Variants in GABRB3 observed in about 807,000 individuals in gnomAD.
The protein encoded by GABRB3 is gamma-aminobutyric acid type A receptor subunit beta3.
In GABRB3, 14 loss-of-function variants were observed where a neutral mutation model predicts 52.1. The ratio of observed to expected loss-of-function variants is 0.27; its 90% CI spans 0.18 to 0.42. The LOEUF is 0.42. Ranked by LOEUF, GABRB3 falls within the 10% of genes least tolerant of loss-of-function variation. The pLI is 1.00. For synonymous variants in GABRB3, 260 were observed against 232.3 expected, an observed-to-expected ratio of 1.12 and a Z score of -1.08; for missense variants, 307 against 609.1, an observed-to-expected ratio of 0.50 and a Z score of 5.22.
chr15:26,704,062 T>C (rs927393050), intron 3 of GABRB3, among the ~76,000 whole-genome samples: 3 of 152,198 alleles, frequency 2.0e-5, no homozygotes, highest in African/African-American at 7.2e-5. Context: ...GTGGCAGTTC[T>C]CCGCATGGGC....
chr15:26,644,520 G>A (rs1190291654), intron 3 of GABRB3, among the ~76,000 whole-genome samples: 1 of 152,224 alleles, frequency 6.6e-6, no homozygotes, highest in Admixed American at 6.5e-5. Flanking sequence ...CCACCACAAG[G>A]AGGGGACAGG....
At chr15:26,638,194 G>A (rs971433689) in intron 3 of GABRB3, among the ~76,000 whole-genome samples, 4 of 152,104 alleles carry the variant, frequency 2.6e-5, no homozygotes, top group Admixed American at 2.6e-4. Context: ...TCCAAGCCTG[G>A]TCAGAGCAAG....
At chr15:26,663,650 T>C (rs1003019095) in intron 3 of GABRB3, among the ~76,000 whole-genome samples, 2 of 152,232 alleles carry the variant, frequency 1.3e-5, no homozygotes, top group Admixed American at 1.3e-4. Flanking sequence ...TCCTAGTTTT[T>C]ATTCATTCTG....
chr15:26,711,495 T>A (rs1015795351), intron 3 of GABRB3, among the ~76,000 whole-genome samples: 1 of 152,234 alleles, frequency 6.6e-6, no homozygotes, highest in Non-Finnish European at 1.5e-5. Context: ...CTGCTTCATA[T>A]TCATTTTATG....
At chr15:26,610,715 C>T (rs1471192191) in intron 4 of GABRB3, among the ~76,000 whole-genome samples, 4 of 152,298 alleles carry the variant, frequency 2.6e-5, no homozygotes, top group Admixed American at 2.6e-4. Context: ...CTGTGGTTCA[C>T]AGCGTTCACT....
intron 4 of GABRB3, among the ~76,000 whole-genome samples, chr15:26,592,833 T>C (rs1891255317): frequency 6.6e-6 from 1 of 151,996 alleles, no homozygotes; most frequent in Non-Finnish European, 1.5e-5. Flanking sequence ...GCTAACATGG[T>C]GAAACCCCAT....
intron 3 of GABRB3, among the ~76,000 whole-genome samples, chr15:26,692,134 G>C (rs17117242): frequency 0.024 from 3,660 of 152,216 alleles, 142 homozygotes; most frequent in African/African-American, 0.084. Flanking sequence ...TTCTCACATT[G>C]ATCAACTCAA....
chr15:26,732,772 C>T lies in GABRB3; in HGVS notation c.240+39630G>A, dbSNP rs549635446. Reference sequence around the variant, plus strand: ...TTGGGAGGCCGAGGCAGGTGGATCGCGAGGTCAGGAGATCAAGACCATCCT... The same window carrying T: ...TTGGGAGGCCGAGGCAGGTGGATCGTGAGGTCAGGAGATCAAGACCATCCT... On this transcript the variant is annotated intron_variant, in intron 3 of 8. Transcript: ENST00000311550. 4.6e-5 allele frequency among the ~76,000 whole-genome samples: 7 copies of T among 152,134 alleles called. No individual in the cohort carries two copies. In the South Asian group the frequency reaches 8.3e-4, roughly 18 times the overall value.
At chr15:26,741,732 C>T (rs1890213243) in intron 3 of GABRB3, among the ~76,000 whole-genome samples, 1 of 152,112 alleles carries the variant, frequency 6.6e-6, no homozygotes, top group Admixed American at 6.5e-5. Flanking sequence ...CCTCAGCCTC[C>T]CGAGTAGGTG....
rs1890914455 is a variant in GABRB3, at chr15:26,764,170, AAAAAAAAAAATATATATATATAT to A, written c.240+8209_240+8231del. On this transcript the variant is annotated intron_variant, in intron 3 of 8. Transcript: ENST00000311550. ...GTCTCAAAAAAAAAAAAAAAAAAAA[AAAAAAAAAAATATATATATATAT>A]ATATATATATATATATATATATATA... 3.1e-4 allele frequency among the ~76,000 whole-genome samples: 7 copies of A among 22,448 alleles called. 1 individual carries two copies. Among genetic ancestry groups the A allele is most frequent in the East Asian group, 4.3e-3 (2 of 460 alleles). 14.7% of individuals were successfully genotyped at this position (22,448 alleles called of 152,430 possible).
In GABRB3 at chr15:26,656,547, G is replaced by C. The variant is rs548961294; in HGVS notation, c.241-35013C>G. Among the ~76,000 whole-genome samples, 14 of 152,282 alleles carry C rather than the reference G, an allele frequency of 9.2e-5. No individual in the cohort carries two copies. The South Asian group carries it at 2.7e-3, about 29-fold the overall frequency. On this transcript the variant is annotated intron_variant, in intron 3 of 8. Transcript: ENST00000311550. The stretch of plus-strand genomic sequence containing the variant: ...CCAGTCCGTGGCCTGTTAGGAACTG[G>C]GCCACACAGCAGCAGGAGAGCTGCA...
rs1031060817 is a variant in GABRB3 at position 26,543,873 on chromosome 15, A to C, written c.*3920T>G. The C allele has an allele frequency of 6.6e-6, 1 of 152,512 alleles. No homozygotes were observed. The highest frequency in any genetic ancestry group is 1.5e-5 in the Non-Finnish European group (1 of 68,032). 9.4% of individuals were successfully genotyped at this position (152,512 alleles called of 1,614,324 possible). A position where few individuals can be genotyped will look rare whatever the true frequency, so the allele number is the denominator to read the frequency against. On this transcript the variant is annotated 3_prime_UTR_variant, in exon 9 of 9. Coordinates refer to ENST00000311550, the MANE Select transcript of GABRB3 (RefSeq NM_000814.6). ...TCCTAGGGAGAGGCATACGGGAGCC[A>C]CTCTCTGGAAGGTCATTGTTTACCC...
At chr15:26,714,451 C>T (rs1172292949) in intron 3 of GABRB3, among the ~76,000 whole-genome samples, 2 of 152,170 alleles carry the variant, frequency 1.3e-5, no homozygotes, top group African/African-American at 2.4e-5. Context: ...TCTAGGGAGA[C>T]ATGAGACATC....
chr15:26,624,663 T>C (rs1892617876), intron 3 of GABRB3: 7 of 985,428 alleles, frequency 7.1e-6, no homozygotes, highest in Non-Finnish European at 8.4e-6. Context: ...AAAAACAGTA[T>C]GAAAATCCAA....
At chr15:26,663,891 T>G (rs956833201) in intron 3 of GABRB3, among the ~76,000 whole-genome samples, 2 of 152,244 alleles carry the variant, frequency 1.3e-5, no homozygotes, top group Non-Finnish European at 2.9e-5. Flanking sequence ...TATTTTTGTA[T>G]GATTTTTAGT....
chr15:26,583,464 A>G, intron 4 of GABRB3, 50 bp from the exon 5 acceptor site: 1 of 1,468,248 alleles, frequency 6.8e-7, no homozygotes, highest in East Asian at 2.3e-5. Context: ...TGAGAAATGT[A>G]TCAGGGAGAC....
At chr15:26,654,350 G>A (rs1168468449) in intron 3 of GABRB3, among the ~76,000 whole-genome samples, 1 of 152,152 alleles carries the variant, frequency 6.6e-6, no homozygotes, top group Non-Finnish European at 1.5e-5. Context: ...GTTTCACCAT[G>A]TTAGCCAGGA....
intron 3 of GABRB3, among the ~76,000 whole-genome samples, chr15:26,730,895 T>C (rs2140149870): frequency 6.6e-6 from 1 of 152,326 alleles, no homozygotes; most frequent in East Asian, 1.9e-4. Flanking sequence ...GCAAATGAAC[T>C]CACACATATG....
intron 4 of GABRB3, among the ~76,000 whole-genome samples, chr15:26,610,908 G>C (rs985074613): frequency 6.6e-6 from 1 of 152,190 alleles, no homozygotes; most frequent in Admixed American, 6.5e-5. Flanking sequence ...GAGGTGTCAG[G>C]ATTTAGCACA....
Sources: allele counts gnomAD v4.1 joint callset (sites outside exome capture counted in the v4.1 genomes callset), GRCh38; gene constraint gnomAD v4.1.1; transcripts MANE v1.5; gene names NCBI Gene and HGNC (gene_info 2026-07-23, HGNC 2026-07-21).